TIAM1: variants seen among roughly 807,000 people sequenced by gnomAD.
TIAM1 encodes TIAM Rac1 associated GEF 1, also known as rho guanine nucleotide exchange factor TIAM1.
In TIAM1, 65 loss-of-function variants were observed where a neutral mutation model predicts 163.5. That is an observed-to-expected ratio of 0.40 (90% CI 0.33 to 0.49). TIAM1 has a LOEUF of 0.49. TIAM1 is among the 20% of genes least tolerant of loss of function. The pLI, the probability that TIAM1 is intolerant of heterozygous loss-of-function variation, is 0.77. For missense variants in TIAM1, 1,789 were observed against 2,044.7 expected (o/e 0.87, Z 2.41); for synonymous variants, 833 against 810.1 (o/e 1.03, Z -0.48).
chr21:31,181,754 T>C (rs2085027363), intron 15 of TIAM1, among the ~76,000 whole-genome samples: 1 of 111,220 alleles, frequency 9.0e-6, no homozygotes, highest in East Asian at 2.9e-4. Context: ...CTTCTTCTTC[T>C]TCTTTTTTTT....
intron 2 of TIAM1, among the ~76,000 whole-genome samples, chr21:31,411,270 G>A (rs528628969): frequency 5.8e-4 from 89 of 152,268 alleles, no homozygotes; most frequent in African/African-American, 2.1e-3. Context: ...AAAAGCTAGA[G>A]ATTTTAAATA....
At chr21:31,273,200 G>A (rs2146844826) in intron 3 of TIAM1, among the ~76,000 whole-genome samples, 1 of 152,312 alleles carries the variant, frequency 6.6e-6, no homozygotes, top group East Asian at 1.9e-4. Context: ...GGTGAGTACG[G>A]CTCCAGTGAA....
At chr21:31,355,677 G>C (rs2147125009) in intron 2 of TIAM1, among the ~76,000 whole-genome samples, 1 of 151,992 alleles carries the variant, frequency 6.6e-6, no homozygotes, top group South Asian at 2.1e-4. Context: ...TCCGCCTCCT[G>C]AGTAGCTGGG....
intron 2 of TIAM1, among the ~76,000 whole-genome samples, chr21:31,388,053 C>G (rs547185084): frequency 2.0e-5 from 3 of 152,264 alleles, no homozygotes; most frequent in South Asian, 4.1e-4. Context: ...CCGCTTCACT[C>G]TCCGTCACAA....
chr21:31,313,724 C>A (rs1306014779), intron 2 of TIAM1, among the ~76,000 whole-genome samples: 2 of 152,160 alleles, frequency 1.3e-5, no homozygotes, highest in Non-Finnish European at 1.5e-5. Flanking sequence ...TGCAAGCATG[C>A]ACCTCCACAC....
chr21:31,455,677 C>T (rs2045070946), intron 2 of TIAM1, among the ~76,000 whole-genome samples: 1 of 152,166 alleles, frequency 6.6e-6, no homozygotes, highest in Admixed American at 6.6e-5. Flanking sequence ...AAAATCTGGA[C>T]CACCAGATGG....
chr21:31,284,155 G>C (rs1467715291), intron 2 of TIAM1, among the ~76,000 whole-genome samples: 4 of 152,172 alleles, frequency 2.6e-5, no homozygotes, highest in African/African-American at 9.7e-5. Flanking sequence ...ATCTAAGCTC[G>C]TGCAAGAAGA....
intron 3 of TIAM1, among the ~76,000 whole-genome samples, chr21:31,273,971 C>T (rs1406502389): frequency 6.6e-6 from 1 of 152,196 alleles, no homozygotes; most frequent in African/African-American, 2.4e-5. Flanking sequence ...GATCCCAGCA[C>T]TCTGGGGGGC....
chr21:31,283,989 C>T (rs573587968), intron 2 of TIAM1, among the ~76,000 whole-genome samples: 1 of 152,274 alleles, frequency 6.6e-6, no homozygotes. Context: ...ATCAAAAAAG[C>T]ACGCTTACAT....
chr21:31,256,551 T>C (rs1468391219), intron 4 of TIAM1, among the ~76,000 whole-genome samples: 2 of 149,042 alleles, frequency 1.3e-5, no homozygotes, highest in African/African-American at 5.0e-5. Context: ...TGATTTATCA[T>C]CTTCTTCCTA....
chr21:31,209,653 G>A (rs913903342), intron 11 of TIAM1, among the ~76,000 whole-genome samples: 6 of 152,188 alleles, frequency 3.9e-5, no homozygotes, highest in Admixed American at 6.5e-5. Context: ...GTATGTGTGC[G>A]GAAAAAGGAA....
chr21:31,397,962 C>T (rs1163601265), intron 2 of TIAM1, among the ~76,000 whole-genome samples: 4 of 151,960 alleles, frequency 2.6e-5, no homozygotes, highest in Non-Finnish European at 5.9e-5. Flanking sequence ...TCTAAGCAAG[C>T]TTCAGCCTGC....
chr21:31,267,592 G>T (rs1198147751), intron 3 of TIAM1, among the ~76,000 whole-genome samples: 2 of 145,712 alleles, frequency 1.4e-5, no homozygotes, highest in Non-Finnish European at 3.0e-5. Flanking sequence ...ACCTCAAGGT[G>T]TAAGTCTGAT....
In TIAM1 at chr21:31,427,347, C is replaced by T. The variant is rs373824845; in HGVS notation, c.-369+36636G>A. Among the ~76,000 whole-genome samples, 5 of 151,744 alleles carry T rather than the reference C, an allele frequency of 3.3e-5. No homozygotes were observed. The East Asian group carries it at 5.8e-4, about 18-fold the overall frequency. On this transcript the variant is annotated intron_variant, in intron 2 of 28. Coordinates refer to the TIAM1 transcript ENST00000286827. ...TAAAATATGCAAAAAATTGGCCGGG[C>T]GTGGTGGTGGGCGCCTGTAGTCCCA...
intron 6 of TIAM1, among the ~76,000 whole-genome samples, chr21:31,238,386 CT>C (rs1268830781): frequency 6.6e-6 from 1 of 152,190 alleles, no homozygotes; most frequent in African/African-American, 2.4e-5. Flanking sequence ...TGGCATAAAG[CT>C]TTCACCATAG....
chr21:31,419,876 C>T (rs1252633347), intron 2 of TIAM1, among the ~76,000 whole-genome samples: 1 of 152,092 alleles, frequency 6.6e-6, no homozygotes, highest in Non-Finnish European at 1.5e-5. Flanking sequence ...CATGGTGAAA[C>T]CCCGTCTCTA....
rs565777039 is a variant in TIAM1 at position 31,420,816 on chromosome 21, T to C, written c.-369+43167A>G. On this transcript the variant is annotated intron_variant, in intron 2 of 28. Coordinates refer to the TIAM1 transcript ENST00000286827. ...TGACGTTGCTTGGAAATAGGGTCTT[T>C]GCAGGTGTAATTAAGATGAAGTCGG... 2.6e-5 allele frequency among the ~76,000 whole-genome samples: 4 copies of C among 152,166 alleles called. No homozygotes were observed. The South Asian group carries it at 6.2e-4, about 24-fold the overall frequency.
chr21:31,205,940 C>T (rs1371892342), intron 11 of TIAM1, among the ~76,000 whole-genome samples: 2 of 151,986 alleles, frequency 1.3e-5, no homozygotes, highest in Non-Finnish European at 1.5e-5. Context: ...TGTACTTCAG[C>T]CGGGGGACAG....
chr21:31,213,197 G>A, intron 10 of TIAM1: 5 of 501,646 alleles, frequency 1.0e-5, no homozygotes, highest in South Asian at 3.1e-5. Context: ...ATGTCAGCAG[G>A]AGAATGTTCC....
Sources: allele counts gnomAD v4.1 joint callset (sites outside exome capture counted in the v4.1 genomes callset), GRCh38; gene constraint gnomAD v4.1.1; transcripts MANE v1.5; gene names NCBI Gene and HGNC (gene_info 2026-07-23, HGNC 2026-07-21).